HTR4: variants seen among roughly 807,000 people sequenced by gnomAD.
HTR4 encodes the protein 5-hydroxytryptamine (serotonin) receptor 4, G protein-coupled.
A neutral mutation model predicts 36.8 loss-of-function variants in HTR4; 16 were observed. The observed-to-expected ratio is 0.43, with a 90% confidence interval of 0.29 to 0.66. The LOEUF (loss-of-function observed/expected upper bound fraction) is 0.66, where lower values mean the gene tolerates loss of function less well. Among genes scored for constraint, HTR4 ranks in the 30% least tolerant of loss-of-function variants. The pLI is 0.13. For synonymous variants in HTR4, 189 were observed against 185.1 expected, an observed-to-expected ratio of 1.02 and a Z score of -0.17; for missense variants, 438 against 490.9, an observed-to-expected ratio of 0.89 and a Z score of 1.02.
At chr5:148,510,053 G>A (rs1335628646) in intron 5 of HTR4, 29 bp from the exon 6 acceptor site, 1 of 1,462,790 alleles carries the variant, frequency 6.8e-7, no homozygotes, top group Non-Finnish European at 9.4e-7. Context: ...GAGGAAATGA[G>A]GAAAGGAGGT....
chr5:148,522,825 C>G (rs776117218), intron 5 of HTR4, among the ~76,000 whole-genome samples: 2 of 152,008 alleles, frequency 1.3e-5, no homozygotes, highest in Non-Finnish European at 2.9e-5. Flanking sequence ...GAAGACAGGC[C>G]AAGGTGATCA....
chr5:148,580,631 T>G (rs1018588264), intron 2 of HTR4, among the ~76,000 whole-genome samples: 2 of 152,290 alleles, frequency 1.3e-5, no homozygotes, highest in South Asian at 2.1e-4. Flanking sequence ...TATTTGTCTT[T>G]CCGTGACCGA....
At chr5:148,546,325 T>G (rs1029548731) in intron 4 of HTR4, among the ~76,000 whole-genome samples, 18 of 152,294 alleles carry the variant, frequency 1.2e-4, no homozygotes, top group African/African-American at 4.3e-4. Flanking sequence ...ATAGGTGCTA[T>G]CTCCCTAAGT....
intron 5 of HTR4, chr5:148,521,099 A>T: frequency 8.7e-7 from 1 of 1,145,624 alleles, no homozygotes; most frequent in Non-Finnish European, 1.2e-6. Context: ...GTATCCGGGG[A>T]CCACTTCTAC....
At chr5:148,619,559 G>A (rs547272024) in intron 2 of HTR4, among the ~76,000 whole-genome samples, 15 of 152,216 alleles carry the variant, frequency 9.9e-5, no homozygotes, top group African/African-American at 2.6e-4. Flanking sequence ...TACAGACAAC[G>A]TGGGGCTATC....
At chr5:148,618,624 A>G (rs1420258239) in intron 2 of HTR4, among the ~76,000 whole-genome samples, 2 of 150,884 alleles carry the variant, frequency 1.3e-5, no homozygotes, top group African/African-American at 4.9e-5. Flanking sequence ...TGCTGTGCTA[A>G]GCTCCAAGGT....
At chr5:148,610,084 T>C (rs1752356690) in intron 2 of HTR4, among the ~76,000 whole-genome samples, 1 of 152,216 alleles carries the variant, frequency 6.6e-6, no homozygotes, top group East Asian at 1.9e-4. Context: ...AATATGATGT[T>C]GTCCTTCCAA....
chr5:148,471,991 G>A (rs74483528), downstream of HTR4, among the ~76,000 whole-genome samples: 1,049 of 152,272 alleles, frequency 6.9e-3, 14 homozygotes, highest in African/African-American at 0.024. Flanking sequence ...GTCCCTGTCC[G>A]TGTGATGCTT....
At chr5:148,641,093 G>A (rs1175809389) in intron 1 of HTR4, among the ~76,000 whole-genome samples, 4 of 152,196 alleles carry the variant, frequency 2.6e-5, no homozygotes, top group African/African-American at 9.7e-5. Context: ...TCAGAGCCAT[G>A]ATTATAGGAA....
At chr5:148,479,342 C>A (rs534590512), downstream of HTR4, among the ~76,000 whole-genome samples, 228 of 151,936 alleles carry the variant, frequency 1.5e-3, no homozygotes, top group Non-Finnish European at 2.3e-3. Flanking sequence ...CTGGAGAATG[C>A]CCTGGGATCT....
chr5:148,470,429 A>G (rs1341523518), intron 5 of HTR4, among the ~76,000 whole-genome samples: 1 of 152,250 alleles, frequency 6.6e-6, no homozygotes, highest in Non-Finnish European at 1.5e-5. Context: ...TGACTATAGA[A>G]TAGGAGTTGC....
At chr5:148,471,671 T>C (rs1439904060), downstream of HTR4, among the ~76,000 whole-genome samples, 1 of 152,222 alleles carries the variant, frequency 6.6e-6, no homozygotes, top group Admixed American at 6.5e-5. Flanking sequence ...CTAGTGACTT[T>C]ATTATAAATC....
intron 5 of HTR4, among the ~76,000 whole-genome samples, chr5:148,454,630 T>G (rs1173968895): frequency 6.6e-6 from 1 of 152,192 alleles, no homozygotes; most frequent in Non-Finnish European, 1.5e-5. Flanking sequence ...CTTATCAGAA[T>G]CACAAAGCCC....
Position 148,550,137 on chromosome 5 carries a change from C to T in HTR4, c.152G>A (p.Arg51Lys). Residue 51 changes from arginine (R) to lysine (K), a missense_variant and splice_region_variant, in exon 3 of 7, where the codon AGG (arginine) becomes AAG (lysine). Arg to Lys is a conservative substitution (Grantham distance 26). Coordinates refer to ENST00000377888, the MANE Select transcript of HTR4 (RefSeq NM_000870.7). ...CAAAAGGTTCCCTCCTGCTGCTCAC[C>T]TGAGCTGCCTGTCCCAGCACACAGC... is the stretch of plus-strand genomic sequence containing the variant. ...MVAVCWDRQLRKIKTNYFIVS... is the reference protein window; with the variant it reads ...MVAVCWDRQLKKIKTNYFIVS... The T allele has an allele frequency of 6.2e-7, 1 of 1,613,996 alleles. No homozygotes were observed. Among genetic ancestry groups the T allele is most frequent in the Non-Finnish European group, 8.5e-7 (1 of 1,179,980 alleles).
rs1448138287 is a variant in HTR4 at position 148,548,859 on chromosome 5, T to C, written c.162A>G (p.Lys54=). ...CAAGAGATACAATGAAATAATTTGT[T>C]TTTATTTTCCTGTGAGTGAAAAAGT... ...VCWDRQLRKI[K]TNYFIVSLAF... is the part of the protein sequence containing the mutation. Residue 54 remains lysine, a synonymous_variant, in exon 4 of 7, where the codon AAA becomes AAG. Transcript: ENST00000377888. 5 of 1,613,364 alleles carry C rather than the reference T, an allele frequency of 3.1e-6. No homozygotes were observed. The South Asian group carries it at 5.5e-5, about 18-fold the overall frequency.
intron 2 of HTR4, among the ~76,000 whole-genome samples, chr5:148,555,522 A>G (rs757827982): frequency 2.6e-5 from 4 of 152,232 alleles, no homozygotes; most frequent in Admixed American, 6.5e-5. Flanking sequence ...AAGTCCAGTA[A>G]TGACAATTAA....
intron 2 of HTR4, among the ~76,000 whole-genome samples, chr5:148,602,519 T>A (rs906073004): frequency 2.6e-5 from 4 of 152,176 alleles, no homozygotes; most frequent in Non-Finnish European, 5.9e-5. Context: ...ATGTATACGT[T>A]ATAAGAAAAA....
chr5:148,636,116 GT>G (rs1753526849), intron 2 of HTR4, among the ~76,000 whole-genome samples: 1 of 152,100 alleles, frequency 6.6e-6, no homozygotes, highest in Admixed American at 6.6e-5. Context: ...TGGGGTGACA[GT>G]ACATCTTGGC....
At chr5:148,464,950 C>T (rs925211176) in intron 5 of HTR4, among the ~76,000 whole-genome samples, 5 of 151,890 alleles carry the variant, frequency 3.3e-5, no homozygotes, top group East Asian at 1.9e-4. Flanking sequence ...AATGCATATA[C>T]TAAGTGAAAG....
Sources: gnomAD v4.1 joint callset for allele counts (sites outside exome capture counted in the v4.1 genomes callset) on GRCh38, gnomAD v4.1.1 for gene constraint, MANE v1.5 for transcripts, NCBI Gene and HGNC (gene_info 2026-07-23, HGNC 2026-07-21) for gene names.